The following RAB42 variants were observed in gnomAD, a reference collection of about 807,000 sequenced individuals.
The protein encoded by RAB42 is ras-related protein Rab-42.
Under a neutral mutation model 7.5 loss-of-function variants are expected in RAB42, and 4 were observed. The observed-to-expected ratio is 0.53, with a 90% CI of 0.26 to 1.22. The LOEUF (loss-of-function observed/expected upper bound fraction) is 1.22. Ranked by LOEUF, RAB42 falls within the 50% of genes most tolerant of loss-of-function variation. The pLI is 0.13. For missense variants in RAB42, 208 were observed against 281.2 expected, an observed-to-expected ratio of 0.74 and a Z score of 1.86; for synonymous variants, 82 against 129.0, an observed-to-expected ratio of 0.64 and a Z score of 2.47.
chr1:28,594,961 ATG>A lies in RAB42; in HGVS notation c.*847_*848del, dbSNP rs1453809207. 3 of 167,112 alleles carry A rather than the reference ATG, an allele frequency of 1.8e-5. No homozygotes were observed. The highest frequency in any genetic ancestry group is 4.4e-5 in the Non-Finnish European group (3 of 68,162). 10.4% of individuals were successfully genotyped at this position (167,112 alleles called of 1,614,324 possible). ...AAATGATTCTGGGCATGGGATTAAT[ATG>A]TGACGTCAAACCCAGGGTTGCTGGC... On this transcript the variant is annotated 3_prime_UTR_variant, in exon 2 of 2. Coordinates refer to ENST00000465518, the MANE Select transcript of RAB42 (RefSeq NM_001193532.3).
In RAB42 at chr1:28,594,223, C is replaced by T; in HGVS notation, c.*106C>T. ...CAAATGACAGAAGGGTTCATATAAA[C>T]AGTATCCTGACACAGTCATGCTTCC... is the stretch of plus-strand genomic sequence containing the variant. On this transcript the variant is annotated 3_prime_UTR_variant, in exon 2 of 2. Transcript: ENST00000465518. The T allele has an allele frequency of 2.7e-6, 3 of 1,117,432 alleles. No homozygotes were observed. Among genetic ancestry groups the T allele is most frequent in the Non-Finnish European group, 3.8e-6 (3 of 797,272 alleles). 69.2% of individuals were successfully genotyped at this position (1,117,432 alleles called of 1,614,324 possible). A position where few individuals can be genotyped will look rare whatever the true frequency, so the allele number is the denominator to read the frequency against.
Position 28,594,077 on chromosome 1 carries a change from C to A in RAB42, c.617C>A (p.Ser206Tyr), listed in dbSNP as rs772926695. The A allele has an allele frequency of 2.2e-5, 36 of 1,609,374 alleles. No individual in the cohort carries two copies. Among genetic ancestry groups the A allele is most frequent in the Non-Finnish European group, 2.6e-5 (31 of 1,177,236 alleles). Residue 206 changes from serine to tyrosine, a missense_variant, in exon 2 of 2, where the codon TCC becomes TAC. Ser to Tyr is a moderately radical substitution (Grantham distance 144). Transcript: ENST00000465518. ...ATCCACAAGACCCAAATCCCCAGGTCCCCCAGCAGGAAGCAGCACTCAGGC... is the reference window on the plus strand; with the variant it reads ...ATCCACAAGACCCAAATCCCCAGGTACCCCAGCAGGAAGCAGCACTCAGGC... ...RLIHKTQIPR[S>Y]PSRKQHSGPC...
intron 1 of RAB42, 60 bp from the exon 2 acceptor site, chr1:28,593,634 G>T (rs1666368368): frequency 1.4e-6 from 2 of 1,464,990 alleles, no homozygotes; most frequent in Admixed American, 4.6e-5. Flanking sequence ...CCTGCCTCTG[G>T]GGGTGTCATG....
Position 28,593,952 on chromosome 1 carries a change from C to T in RAB42, c.492C>T (p.Cys164=), listed in dbSNP as rs370993430. The stretch of plus-strand genomic sequence containing the variant: ...TGGAGACCTCGGTTAAAAACAACTG[C>T]AATGTGGACCTGGCCTTTGACACCC... ...AFVETSVKNN[C]NVDLAFDTLA... is the part of the protein sequence containing the mutation. The change falls in exon 2 of 2, where the codon TGC becomes TGT. Residue 164 remains cysteine, a synonymous_variant. Transcript: ENST00000465518. 15 of 1,613,664 alleles carry T rather than the reference C, an allele frequency of 9.3e-6. No homozygotes were observed. The East Asian group carries it at 3.1e-4, about 34-fold the overall frequency.
chr1:28,592,496 G>A lies in RAB42; in HGVS notation c.-16G>A, dbSNP rs1170520426. On this transcript the variant is annotated 5_prime_UTR_variant, in exon 1 of 2. Coordinates refer to ENST00000465518, the MANE Select transcript of RAB42 (RefSeq NM_001193532.3). The surrounding 1 kb of genome is among the most constrained non-coding windows in gnomAD (Gnocchi z 4.1). ...GGACAAAACCGCCGCGGGGCGGCGG[G>A]GTGGCGGACGCGGCCATGGAGGCCG... 1 of 1,186,106 alleles carries A rather than the reference G, an allele frequency of 8.4e-7. No individual in the cohort carries two copies. Among genetic ancestry groups the A allele is most frequent in the Non-Finnish European group, 1.0e-6 (1 of 955,218 alleles). The allele number at this position is 1,186,106 out of a possible 1,614,324, so 73.5% of individuals were successfully genotyped here. A position where few individuals can be genotyped will look rare whatever the true frequency, so the allele number is the denominator to read the frequency against.
rs756486630 is a variant in RAB42 at position 28,594,032 on chromosome 1, G to T, written c.572G>T (p.Gly191Val). 3 of 1,613,770 alleles carry T rather than the reference G, an allele frequency of 1.9e-6. No homozygotes were observed. The East Asian group carries it at 6.7e-5, about 36-fold the overall frequency. The change falls in exon 2 of 2, where the codon GGC becomes GTC. Residue 191 changes from glycine (G) to valine (V), a missense_variant. Physicochemically the swap from Gly to Val is moderately radical, Grantham distance 109. Coordinates refer to ENST00000465518, the MANE Select transcript of RAB42 (RefSeq NM_001193532.3). ...LQQGDIKLEE[G>V]WGGVRLIHKT... ...CAGGGGGACATCAAGCTAGAAGAGGGCTGGGGGGGTGTCCGGCTCATCCAC... is the reference window on the plus strand; with the variant it reads ...CAGGGGGACATCAAGCTAGAAGAGGTCTGGGGGGGTGTCCGGCTCATCCAC...
chr1:28,595,805 C>T (rs1666424532), downstream of RAB42, among the ~76,000 whole-genome samples: 1 of 152,058 alleles, frequency 6.6e-6, no homozygotes, highest in African/African-American at 2.4e-5. Context: ...ACTTAGGAGG[C>T]TGAAGCATGA....
chr1:28,593,614 G>T, intron 1 of RAB42, 80 bp from the exon 2 acceptor site: 3 of 1,411,378 alleles, frequency 2.1e-6, no homozygotes, highest in Non-Finnish European at 2.8e-6. Flanking sequence ...GGATCCCAGG[G>T]GGAGGAGGTC....
chr1:28,593,510 C>T (rs1469226218), intron 1 of RAB42, among the ~76,000 whole-genome samples, 184 bp from the exon 2 acceptor site: 3 of 152,214 alleles, frequency 2.0e-5, no homozygotes, highest in Non-Finnish European at 2.9e-5. Context: ...CCGCACCCGG[C>T]CAGCACCCAG....
At chr1:28,595,725 G>A (rs994479807), downstream of RAB42, among the ~76,000 whole-genome samples, 1 of 152,086 alleles carries the variant, frequency 6.6e-6, no homozygotes, top group African/African-American at 2.4e-5. Context: ...TGGCCAACAC[G>A]GCGAAACCCT....
In RAB42 at chr1:28,595,016, C is replaced by T. The variant is rs1666410036; in HGVS notation, c.*899C>T. The T allele has an allele frequency of 6.0e-6, 1 of 167,144 alleles. No homozygotes were observed. The highest frequency in any genetic ancestry group is 1.5e-5 in the Non-Finnish European group (1 of 68,182). 10.4% of individuals were successfully genotyped at this position (167,144 alleles called of 1,614,324 possible). A position where few individuals can be genotyped will look rare whatever the true frequency, so the allele number is the denominator to read the frequency against. On this transcript the variant is annotated 3_prime_UTR_variant, in exon 2 of 2. Coordinates refer to ENST00000465518, the MANE Select transcript of RAB42 (RefSeq NM_001193532.3). ...ATGCCCCCCCGACCAGGCCCAGGGG[C>T]TGAAAAATGGATGTTGGAGGCTGGG...
Position 28,592,785 on chromosome 1 carries a change from G to C in RAB42, c.233+41G>C, listed in dbSNP as rs1666347727. ...GCGCGGGAGGGACTTCTGGTGGGGG[G>C]CTCGGTGAGCGTGCTTTAGGCCACG... On this transcript the variant is annotated intron_variant, in intron 1 of 1. Coordinates refer to ENST00000465518, the MANE Select transcript of RAB42 (RefSeq NM_001193532.3). This position sits in a 1 kb window ranked among gnomAD's most constrained non-coding sequence, Gnocchi z 4.1. 4 of 1,027,550 alleles carry C rather than the reference G, an allele frequency of 3.9e-6. No homozygotes were observed. The highest frequency in any genetic ancestry group is 8.6e-5 in the Admixed American group (2 of 23,342). The allele number at this position is 1,027,550 out of a possible 1,614,324, so 63.7% of individuals were successfully genotyped here.
rs143563015 is a variant in RAB42, at chr1:28,595,255, G to A, written c.*1138G>A. The stretch of plus-strand genomic sequence containing the variant: ...GTTCATCTCCTGGGGGGCCTTAAAG[G>A]ACTCCCTCTTGCCCCAGCTCTGGAC... On this transcript the variant is annotated 3_prime_UTR_variant, in exon 2 of 2. Coordinates refer to ENST00000465518, the MANE Select transcript of RAB42 (RefSeq NM_001193532.3). 6.0e-6 allele frequency: 1 copy of A among 166,954 alleles called. No individual in the cohort carries two copies. Among genetic ancestry groups the A allele is most frequent in the African/African-American group, 2.4e-5 (1 of 41,382 alleles). The allele number at this position is 166,954 out of a possible 1,614,324, so 10.3% of individuals were successfully genotyped here. A position where few individuals can be genotyped will look rare whatever the true frequency, so the allele number is the denominator to read the frequency against.
chr1:28,592,652 G>A lies in RAB42; in HGVS notation c.141G>A (p.Val47=). ...PEPEPEPEPT[V]GAECYRRALQ... ...CGGAGCCCGAGCCCGAGCCCACGGT[G>A]GGCGCCGAGTGCTACCGCCGCGCGC... is the stretch of plus-strand genomic sequence containing the variant. The change falls in exon 1 of 2, where the codon GTG becomes GTA. Residue 47 remains valine (V), a synonymous_variant. Coordinates refer to ENST00000465518, the MANE Select transcript of RAB42 (RefSeq NM_001193532.3). The surrounding 1 kb of genome is among the most constrained non-coding windows in gnomAD (Gnocchi z 4.1). The A allele has an allele frequency of 3.3e-6, 4 of 1,227,206 alleles. No individual in the cohort carries two copies. The Admixed American group carries it at 1.7e-4, about 52-fold the overall frequency. The allele number at this position is 1,227,206 out of a possible 1,614,324, so 76.0% of individuals were successfully genotyped here.
downstream of RAB42, chr1:28,595,514 G>C (rs931724457): frequency 1.2e-5 from 2 of 163,756 alleles, no homozygotes; most frequent in African/African-American, 4.8e-5. Flanking sequence ...AATGTCCTGG[G>C]AGCAATTAGG....
intron 1 of RAB42, among the ~76,000 whole-genome samples, chr1:28,593,344 C>T (rs1666360839): frequency 6.6e-6 from 1 of 152,140 alleles, no homozygotes; most frequent in Admixed American, 6.5e-5. Context: ...GCTGGGACTA[C>T]AGGCGCCCGC....
In RAB42 at chr1:28,592,830, C is replaced by T. The variant is rs1227966209; in HGVS notation, c.233+86C>T. 6.7e-6 allele frequency: 4 copies of T among 598,996 alleles called. No individual in the cohort carries two copies. The highest frequency in any genetic ancestry group is 9.7e-6 in the Non-Finnish European group (4 of 412,428). 37.1% of individuals were successfully genotyped at this position (598,996 alleles called of 1,614,324 possible). ...GCCACGGCAACTCCCGAGAGGCCAA[C>T]TCAGAGGTCAGGCGGAGGGCGAGGT... On this transcript the variant is annotated intron_variant, in intron 1 of 1. Transcript: ENST00000465518. The surrounding 1 kb of genome is among the most constrained non-coding windows in gnomAD (Gnocchi z 4.1).
rs558733882 is a variant in RAB42, at chr1:28,593,892, C to T, written c.432C>T (p.Ala144=). The T allele has an allele frequency of 3.7e-6, 6 of 1,610,850 alleles. No individual in the cohort carries two copies. Among genetic ancestry groups the T allele is most frequent in the Admixed American group, 1.7e-5 (1 of 59,494 alleles). Residue 144 remains alanine, a synonymous_variant, in exon 2 of 2, where the codon GCC becomes GCT. Transcript: ENST00000465518. ...QSTRCVSAQE[A]EELAASLGMA... is the part of the protein sequence containing the mutation. ...CCCGCTGTGTCTCAGCCCAGGAGGC[C>T]GAGGAGCTAGCTGCCTCCCTGGGCA...
chr1:28,592,809 C>G lies in RAB42; in HGVS notation c.233+65C>G. On this transcript the variant is annotated intron_variant, in intron 1 of 1. Coordinates refer to ENST00000465518, the MANE Select transcript of RAB42 (RefSeq NM_001193532.3). The surrounding 1 kb of genome is among the most constrained non-coding windows in gnomAD (Gnocchi z 4.1). ...GGCTCGGTGAGCGTGCTTTAGGCCACGGCAACTCCCGAGAGGCCAACTCAG... is the reference window on the plus strand; with the variant it reads ...GGCTCGGTGAGCGTGCTTTAGGCCAGGGCAACTCCCGAGAGGCCAACTCAG... 1 of 797,096 alleles carries G rather than the reference C, an allele frequency of 1.3e-6. No individual in the cohort carries two copies. The highest frequency in any genetic ancestry group is 1.7e-6 in the Non-Finnish European group (1 of 592,466). 49.4% of individuals were successfully genotyped at this position (797,096 alleles called of 1,614,324 possible).
Sources: gnomAD v4.1 joint callset for allele counts (sites outside exome capture counted in the v4.1 genomes callset) on GRCh38, gnomAD v4.1.1 for gene constraint, Gnocchi (gnomAD v3.1) non-coding constraint, MANE v1.5 for transcripts, NCBI Gene and HGNC (gene_info 2026-07-23, HGNC 2026-07-21) for gene names.